Variants in TENM2 observed in about 807,000 individuals in gnomAD.
TENM2 encodes teneurin-2.
Under a neutral mutation model 245.2 loss-of-function variants are expected in TENM2, and 52 were observed. The observed-to-expected ratio is 0.21, with a 90% CI of 0.17 to 0.27. The LOEUF is 0.27. Among genes scored for constraint, TENM2 ranks in the 10% least tolerant of loss-of-function variants. TENM2 has a pLI of 1.00. For missense variants in TENM2, 3,046 were observed against 3,666.8 expected (o/e 0.83, Z 4.37); for synonymous variants, 1,363 against 1,438.9 (o/e 0.95, Z 1.19).
intron 4 of TENM2, among the ~76,000 whole-genome samples, chr5:167,981,226 A>G (rs1782813019): frequency 6.6e-6 from 1 of 152,176 alleles, no homozygotes; most frequent in African/African-American, 2.4e-5. Context: ...CACCCAGGGC[A>G]GTCTGCTTCA....
intron 2 of TENM2, among the ~76,000 whole-genome samples, chr5:167,531,568 A>G (rs1210424043): frequency 2.6e-5 from 4 of 151,916 alleles, no homozygotes; most frequent in African/African-American, 9.7e-5. Context: ...ACCGTGCTGT[A>G]CAATATATTT....
chr5:167,102,025 A>G, the TENM2 span, among the ~76,000 whole-genome samples: 1 of 148,042 alleles, frequency 6.8e-6, no homozygotes, highest in African/African-American at 2.5e-5. Context: ...CAGGAGTTCA[A>G]GACCAGCCTA....
At chr5:168,198,715 C>A in intron 15 of TENM2, 138 bp from the exon 18 acceptor site, 1 of 1,110,770 alleles carries the variant, frequency 9.0e-7, no homozygotes, top group Non-Finnish European at 1.3e-6. Context: ...TGGGTTCCAG[C>A]CCCACCTGTC....
intron 25 of TENM2, among the ~76,000 whole-genome samples, chr5:168,228,956 T>TGTATACATAATATACATATAC (rs1322511279): frequency 6.9e-4 from 102 of 147,994 alleles, no homozygotes; most frequent in Admixed American, 1.4e-3. Flanking sequence ...ATACATTATA[T>TGTATACATAATATACATATAC]GTATACATAA....
At chr5:167,886,791 C>A (rs1309751963) in intron 3 of TENM2, among the ~76,000 whole-genome samples, 1 of 152,102 alleles carries the variant, frequency 6.6e-6, no homozygotes, top group Admixed American at 6.6e-5. Flanking sequence ...AATGTTAAAA[C>A]CCCAAAATAG....
At chr5:167,378,601 G>C (rs2127324176) in intron 2 of TENM2, among the ~76,000 whole-genome samples, 1 of 152,064 alleles carries the variant, frequency 6.6e-6, no homozygotes, top group Non-Finnish European at 1.5e-5. Context: ...CCAAGTTTTT[G>C]CTGCTGTGAA....
the TENM2 span, among the ~76,000 whole-genome samples, chr5:167,274,518 G>A: frequency 2.0e-5 from 3 of 151,942 alleles, no homozygotes; most frequent in East Asian, 3.9e-4. Context: ...TGTGATCAAC[G>A]CCCAGTAGTA....
At chr5:167,375,516 C>T (rs1760695831) in intron 2 of TENM2, 43 bp downstream of exon 4, 1 of 1,519,354 alleles carries the variant, frequency 6.6e-7, no homozygotes, top group Non-Finnish European at 8.9e-7. Flanking sequence ...CTGTGCACTG[C>T]ACCACGTGGG....
At chr5:167,331,286 A>C (rs948706727) in intron 1 of TENM2, among the ~76,000 whole-genome samples, 4 of 151,922 alleles carry the variant, frequency 2.6e-5, no homozygotes, top group Non-Finnish European at 5.9e-5. Context: ...AAAAAAGAGA[A>C]GTATTATGAA....
the TENM2 span, among the ~76,000 whole-genome samples, chr5:167,177,946 C>T: frequency 2.4e-4 from 37 of 152,322 alleles, no homozygotes; most frequent in Non-Finnish European, 4.7e-4. Flanking sequence ...CAGGCCTGAG[C>T]AGCCTCAGCT....
At chr5:167,113,958 CAA>C in the TENM2 span, among the ~76,000 whole-genome samples, 1 of 152,052 alleles carries the variant, frequency 6.6e-6, no homozygotes, top group African/African-American at 2.4e-5. Context: ...TCAGTATATG[CAA>C]AGAGTACATT....
chr5:167,872,548 G>GAAAGAAAGAAAGAAAGAAAGAGAA (rs1313191288), intron 2 of TENM2, among the ~76,000 whole-genome samples: 3 of 65,436 alleles, frequency 4.6e-5, no homozygotes, highest in Non-Finnish European at 1.2e-4. Context: ...AAGAAAGAAA[G>GAAAGAAAGAAAGAAAGAAAGAGAA]AGAAAGAAAG....
chr5:167,597,166 T>TTTTC (rs1491268322), intron 2 of TENM2, among the ~76,000 whole-genome samples: 755 of 27,730 alleles, frequency 0.027, 9 homozygotes, highest in African/African-American at 0.063. Flanking sequence ...TTTTCTTTTC[T>TTTTC]TTTTTTTTTT....
intron 2 of TENM2, among the ~76,000 whole-genome samples, chr5:167,576,350 G>A (rs1774685285): frequency 6.8e-6 from 1 of 147,320 alleles, no homozygotes; most frequent in Non-Finnish European, 1.5e-5. Flanking sequence ...TTTTTTACAG[G>A]AAAAAAAGAA....
intron 2 of TENM2, among the ~76,000 whole-genome samples, chr5:167,831,955 G>A (rs1344307646): frequency 6.7e-6 from 1 of 149,820 alleles, no homozygotes; most frequent in Non-Finnish European, 1.5e-5. Flanking sequence ...ATGTGTGTAG[G>A]AATGATGCCA....
In TENM2 at chr5:168,009,836, G is replaced by T. The variant is rs190391407; in HGVS notation, c.1186+16654G>T. Among the ~76,000 whole-genome samples the T allele has an allele frequency of 1.7e-3, 262 of 152,296 alleles. 2 individuals carry two copies. The highest frequency in any genetic ancestry group is 5.9e-3 in the African/African-American group (246 of 41,556). ...TGCAGAGTGGCAGGAGCTAAGGCTT[G>T]GCCATGAAGCCAGACATCCCATTTC... is the stretch of plus-strand genomic sequence containing the variant. On this transcript the variant is annotated intron_variant, in intron 5 of 28. Transcript: ENST00000518659.
intron 5 of TENM2, among the ~76,000 whole-genome samples, chr5:167,996,372 T>C (rs547791222): frequency 3.3e-5 from 5 of 152,272 alleles, no homozygotes; most frequent in Admixed American, 6.5e-5. Context: ...CATCCTGGAA[T>C]AAATTACTCT....
At chr5:167,051,890 A>G in the TENM2 span, among the ~76,000 whole-genome samples, 1 of 152,170 alleles carries the variant, frequency 6.6e-6, no homozygotes, top group Non-Finnish European at 1.5e-5. Context: ...AAGAAAATTC[A>G]TATTTGTTTT....
chr5:167,644,225 G>T (rs895387738), intron 2 of TENM2, among the ~76,000 whole-genome samples: 4 of 152,142 alleles, frequency 2.6e-5, no homozygotes, highest in African/African-American at 9.7e-5. Flanking sequence ...GTCCTATAAA[G>T]TTTATTAACT....
Sources: gnomAD v4.1 joint callset for allele counts (sites outside exome capture counted in the v4.1 genomes callset) on GRCh38, gnomAD v4.1.1 for gene constraint, MANE v1.5 for transcripts, NCBI Gene and HGNC (gene_info 2026-07-23, HGNC 2026-07-21) for gene names.